Variants in CTNNA3 observed in about 807,000 individuals in gnomAD.
The protein encoded by CTNNA3 is catenin alpha-3.
In CTNNA3, 76 loss-of-function variants were observed where a neutral mutation model predicts 95.7. The observed-to-expected ratio is 0.79, with a 90% confidence interval of 0.66 to 0.96. The LOEUF is 0.96. Ranked by LOEUF, CTNNA3 falls within the 40% of genes least tolerant of loss-of-function variation. The probability of loss-of-function intolerance (pLI) is 0.00; values close to 1 mark genes in which losing one functional copy is unlikely to be tolerated. For missense variants in CTNNA3, 1,191 were observed against 1,089.8 expected (o/e 1.09, Z -1.31); for synonymous variants, 431 against 374.4 (o/e 1.15, Z -1.74).
chr10:67,538,209 A>G (rs947932216), intron 4 of CTNNA3, among the ~76,000 whole-genome samples: 2 of 150,566 alleles, frequency 1.3e-5, no homozygotes, highest in South Asian at 4.3e-4. Context: ...TTACAGTAAT[A>G]AAACTATCAA....
intron 12 of CTNNA3, among the ~76,000 whole-genome samples, chr10:66,326,105 C>G (rs552171603): frequency 6.6e-6 from 1 of 152,160 alleles, no homozygotes; most frequent in South Asian, 2.1e-4. Flanking sequence ...GTGCAGAGTG[C>G]CCTTTACAAT....
chr10:67,254,293 C>A (rs541547771), intron 5 of CTNNA3, among the ~76,000 whole-genome samples: 1 of 151,306 alleles, frequency 6.6e-6, no homozygotes, highest in Non-Finnish European at 1.5e-5. Context: ...GAAAAGCCCC[C>A]TAAAAAAAGA....
chr10:66,103,436 C>T (rs922879528), intron 13 of CTNNA3, among the ~76,000 whole-genome samples, 187 bp from the exon 14 acceptor site: 1 of 152,148 alleles, frequency 6.6e-6, no homozygotes, highest in Non-Finnish European at 1.5e-5. Context: ...CAAATGTTCA[C>T]AGGAGCATCA....
At chr10:66,318,472 C>T (rs2092134954) in intron 12 of CTNNA3, among the ~76,000 whole-genome samples, 1 of 151,912 alleles carries the variant, frequency 6.6e-6, no homozygotes, top group Admixed American at 6.6e-5. Context: ...ATACCAATTA[C>T]TCTGGTCTTC....
At chr10:67,013,543 C>T (rs887781476) in intron 7 of CTNNA3, among the ~76,000 whole-genome samples, 6 of 152,288 alleles carry the variant, frequency 3.9e-5, no homozygotes, top group Non-Finnish European at 5.9e-5. Context: ...CTGAACTATA[C>T]CATGACCTCG....
intron 15 of CTNNA3, among the ~76,000 whole-genome samples, chr10:65,993,122 CTT>C (rs1197018564): frequency 6.6e-6 from 1 of 152,086 alleles, no homozygotes; most frequent in African/African-American, 2.4e-5. Flanking sequence ...ATGCTATTAA[CTT>C]TTAAAAAATT....
chr10:67,431,489 G>A (rs1161549853), intron 5 of CTNNA3, among the ~76,000 whole-genome samples: 1 of 151,954 alleles, frequency 6.6e-6, no homozygotes, highest in Non-Finnish European at 1.5e-5. Flanking sequence ...TGAGCAAGCA[G>A]TTCTCACAGC....
At chr10:66,562,417 C>T (rs1842581257) in intron 10 of CTNNA3, among the ~76,000 whole-genome samples, 1 of 152,126 alleles carries the variant, frequency 6.6e-6, no homozygotes, top group African/African-American at 2.4e-5. Context: ...ATTTCTAACT[C>T]CCAAGTCCAG....
At chr10:67,408,882 C>CAA (rs766212790) in intron 5 of CTNNA3, among the ~76,000 whole-genome samples, 65,749 of 96,466 alleles carry the variant, frequency 0.68, 25,049 homozygotes, top group Non-Finnish European at 0.82. Flanking sequence ...CTTAAATTTA[C>CAA]AAAAAAAAAA....
chr10:67,034,607 T>G (rs751326262), intron 7 of CTNNA3, among the ~76,000 whole-genome samples: 11 of 152,190 alleles, frequency 7.2e-5, no homozygotes, highest in Non-Finnish European at 1.5e-4. Flanking sequence ...AGGTCTTTAC[T>G]AATAACCTAC....
At chr10:67,459,898 A>T (rs1217342661) in intron 5 of CTNNA3, among the ~76,000 whole-genome samples, 1 of 152,188 alleles carries the variant, frequency 6.6e-6, no homozygotes, top group Non-Finnish European at 1.5e-5. Context: ...CATGCTCCAA[A>T]GTCAATCTGA....
At chr10:66,827,377 G>GCACAATCTCTTC (rs1244598097) in intron 7 of CTNNA3, among the ~76,000 whole-genome samples, 1 of 152,076 alleles carries the variant, frequency 6.6e-6, no homozygotes, top group Non-Finnish European at 1.5e-5. Context: ...CTCATGCCCT[G>GCACAATCTCTTC]CACAATCTCT....
chr10:67,005,682 CTTTTT>C (rs11369576), intron 7 of CTNNA3, among the ~76,000 whole-genome samples: 5,161 of 62,052 alleles, frequency 0.083, 382 homozygotes, highest in Middle Eastern at 0.25. Context: ...TTTACTCCAT[CTTTTT>C]TTTTTTTTTT....
chr10:66,771,537 G>A (rs1221668342), intron 8 of CTNNA3, among the ~76,000 whole-genome samples: 1 of 152,128 alleles, frequency 6.6e-6, no homozygotes, highest in Non-Finnish European at 1.5e-5. Flanking sequence ...GCACTGGGAG[G>A]TTCTGAAAGT....
chr10:66,865,082 T>A (rs530316294), intron 7 of CTNNA3, among the ~76,000 whole-genome samples: 10 of 152,086 alleles, frequency 6.6e-5, no homozygotes, highest in Non-Finnish European at 7.4e-5. Flanking sequence ...ACCAAAAAAA[T>A]CATTTAACCT....
intron 3 of CTNNA3, among the ~76,000 whole-genome samples, chr10:67,576,331 C>G (rs1484156749): frequency 6.6e-6 from 1 of 152,002 alleles, no homozygotes; most frequent in Non-Finnish European, 1.5e-5. Flanking sequence ...GATGAATTAT[C>G]TGAAGTATCT....
chr10:67,354,609 T>C (rs1842747170), intron 5 of CTNNA3, among the ~76,000 whole-genome samples: 1 of 152,064 alleles, frequency 6.6e-6, no homozygotes, highest in Non-Finnish European at 1.5e-5. Flanking sequence ...TTCTACAATC[T>C]AATTAATACT....
At chr10:66,513,728 T>C (rs564014426) in intron 11 of CTNNA3, among the ~76,000 whole-genome samples, 64 of 152,310 alleles carry the variant, frequency 4.2e-4, no homozygotes, top group African/African-American at 1.4e-3. Flanking sequence ...AGGCACATGA[T>C]GGCCCAATTG....
intron 3 of CTNNA3, among the ~76,000 whole-genome samples, chr10:67,553,903 TCCCCGTTC>T (rs888030267): frequency 6.6e-6 from 1 of 152,140 alleles, no homozygotes; most frequent in Non-Finnish European, 1.5e-5. Flanking sequence ...ATGCTATCCC[TCCCCGTTC>T]CCCCAACCCC....
Sources: gnomAD v4.1 joint callset for allele counts (sites outside exome capture counted in the v4.1 genomes callset) on GRCh38, gnomAD v4.1.1 for gene constraint, MANE v1.5 for transcripts, NCBI Gene and HGNC (gene_info 2026-07-23, HGNC 2026-07-21) for gene names.